STARD13: variants seen among roughly 807,000 people sequenced by gnomAD.
STARD13 encodes the protein stAR-related lipid transfer protein 13.
Under a neutral mutation model 106.4 loss-of-function variants are expected in STARD13, and 62 were observed. That is an observed-to-expected ratio of 0.58 (90% CI 0.48 to 0.72). The LOEUF is 0.72. Ranked by LOEUF, STARD13 falls within the 30% of genes least tolerant of loss-of-function variation. STARD13 has a pLI of 0.00. For synonymous variants in STARD13, 565 were observed against 553.0 expected (o/e 1.02, Z -0.31); for missense variants, 1,387 against 1,424.0 (o/e 0.97, Z 0.42).
chr13:33,589,500 C>CT, the STARD13 span, among the ~76,000 whole-genome samples: 18 of 152,166 alleles, frequency 1.2e-4, no homozygotes, highest in African/African-American at 4.1e-4. Context: ...TATGTTGTGT[C>CT]TTTGTTCTCA....
chr13:33,258,714 T>A (rs1890490880), intron 1 of STARD13, among the ~76,000 whole-genome samples: 1 of 152,200 alleles, frequency 6.6e-6, no homozygotes, highest in African/African-American at 2.4e-5. Context: ...TGGAGAAGGA[T>A]AACAGGGATC....
chr13:33,258,601 C>A (rs920834316), intron 1 of STARD13, among the ~76,000 whole-genome samples: 1 of 152,138 alleles, frequency 6.6e-6, no homozygotes, highest in African/African-American at 2.4e-5. Context: ...TGGAATATTT[C>A]CGAGAACCAT....
chr13:33,358,220 G>T, the STARD13 span, among the ~76,000 whole-genome samples: 1 of 152,316 alleles, frequency 6.6e-6, no homozygotes, highest in South Asian at 2.1e-4. Context: ...CTTCCCATGG[G>T]GCAGGGCTCG....
chr13:33,369,583 G>A, the STARD13 span, among the ~76,000 whole-genome samples: 1 of 152,148 alleles, frequency 6.6e-6, no homozygotes, highest in African/African-American at 2.4e-5. Flanking sequence ...AAATCAACTT[G>A]AGAACATATT....
the STARD13 span, among the ~76,000 whole-genome samples, chr13:33,363,499 G>C: frequency 6.6e-6 from 1 of 152,222 alleles, no homozygotes; most frequent in Non-Finnish European, 1.5e-5. Flanking sequence ...AACAGTCACA[G>C]TGGTTAGCTT....
At chr13:33,120,793 A>G (rs1876165578) in intron 7 of STARD13, among the ~76,000 whole-genome samples, 2 of 149,366 alleles carry the variant, frequency 1.3e-5, no homozygotes, top group African/African-American at 4.9e-5. Context: ...TTTTTTTGAG[A>G]CGGAGTCTTG....
At chr13:33,132,830 G>T (rs1468472549) in intron 4 of STARD13, among the ~76,000 whole-genome samples, 1 of 152,214 alleles carries the variant, frequency 6.6e-6, no homozygotes, top group East Asian at 1.9e-4. Flanking sequence ...AAAAGGGCAA[G>T]ACTCCAGAAT....
chr13:33,531,630 A>G, the STARD13 span, among the ~76,000 whole-genome samples: 1 of 152,180 alleles, frequency 6.6e-6, no homozygotes, highest in South Asian at 2.1e-4. Flanking sequence ...AGGGACAGTC[A>G]TTACCACTGT....
At chr13:33,525,657 C>T in the STARD13 span, among the ~76,000 whole-genome samples, 2 of 152,004 alleles carry the variant, frequency 1.3e-5, no homozygotes, top group African/African-American at 4.8e-5. Context: ...TCTCTATGTC[C>T]AAGTTATCTA....
At chr13:33,363,559 C>T in the STARD13 span, among the ~76,000 whole-genome samples, 5 of 152,186 alleles carry the variant, frequency 3.3e-5, no homozygotes, top group African/African-American at 1.2e-4. Context: ...TTCCTCTTAC[C>T]CTCAACACCA....
intron 1 of STARD13, among the ~76,000 whole-genome samples, chr13:33,185,064 A>T (rs1162861169): frequency 6.6e-6 from 1 of 152,200 alleles, no homozygotes; most frequent in Non-Finnish European, 1.5e-5. Flanking sequence ...CTCAGGTGTA[A>T]ATTTAAAAGA....
Position 33,268,648 on chromosome 13 carries a change from G to A in STARD13, c.169+16822C>T, listed in dbSNP as rs144565921. On this transcript the variant is annotated intron_variant, in intron 1 of 13. Transcript: ENST00000336934. ...TCAGTGCTGGAACTAAGATTTGAAC[G>A]TAGGTCCAGCTAACGCCAAAGCCAT... Among the ~76,000 whole-genome samples the A allele has an allele frequency of 9.8e-5, 15 of 152,336 alleles. No homozygotes were observed. The South Asian group carries it at 1.2e-3, about 13-fold the overall frequency.
chr13:33,280,195 A>T (rs1192260181), intron 1 of STARD13: 1 of 152,190 alleles, frequency 6.6e-6, no homozygotes, highest in Non-Finnish European at 1.5e-5. Flanking sequence ...GGCCATGGGG[A>T]TGGGCCATGT....
At chr13:33,375,028 T>G in the STARD13 span, among the ~76,000 whole-genome samples, 2 of 152,208 alleles carry the variant, frequency 1.3e-5, no homozygotes, top group Non-Finnish European at 2.9e-5. Flanking sequence ...TTTTAAAGGC[T>G]GCAAGTTTGT....
At chr13:33,186,049 G>C (rs1267838034) in intron 1 of STARD13, 2 of 1,613,610 alleles carry the variant, frequency 1.2e-6, no homozygotes, top group East Asian at 4.5e-5. Flanking sequence ...TCAGAGCAAG[G>C]AGCAGATGAT....
At chr13:33,186,989 C>CACTAA (rs1885826226) in intron 1 of STARD13, among the ~76,000 whole-genome samples, 1 of 152,162 alleles carries the variant, frequency 6.6e-6, no homozygotes, top group South Asian at 2.1e-4. Flanking sequence ...ACCACTAATG[C>CACTAA]TGATGTCATT....
At chr13:33,397,911 G>A in the STARD13 span, among the ~76,000 whole-genome samples, 4 of 152,332 alleles carry the variant, frequency 2.6e-5, no homozygotes, top group South Asian at 8.3e-4. Context: ...GGCCTCTTAT[G>A]AGAGCTCTGC....
At chr13:33,215,053 A>G (rs1887950835) in intron 1 of STARD13, among the ~76,000 whole-genome samples, 1 of 146,706 alleles carries the variant, frequency 6.8e-6, no homozygotes, top group African/African-American at 2.5e-5. Flanking sequence ...TATTTAGTGA[A>G]CAAGAAAATG....
the STARD13 span, among the ~76,000 whole-genome samples, chr13:33,666,006 T>TGAA: frequency 1.9e-3 from 293 of 152,326 alleles, 2 homozygotes; most frequent in African/African-American, 6.6e-3. Flanking sequence ...AAAAGACCTC[T>TGAA]GACTTGTCCC....
Sources: allele counts gnomAD v4.1 joint callset (sites outside exome capture counted in the v4.1 genomes callset), GRCh38; gene constraint gnomAD v4.1.1; transcripts MANE v1.5; gene names NCBI Gene and HGNC (gene_info 2026-07-23, HGNC 2026-07-21).